FAM227B: variants seen among roughly 807,000 people sequenced by gnomAD.
FAM227B encodes the protein family with sequence similarity 227 member B, also known as protein FAM227B.
In FAM227B, 88 loss-of-function variants were observed where a neutral mutation model predicts 73.8. The ratio of observed to expected loss-of-function variants is 1.19; its 90% CI spans 1.00 to 1.42. FAM227B has a LOEUF of 1.42. FAM227B is among the 40% of genes most tolerant of loss of function. The pLI is 0.00. For missense variants in FAM227B, 632 were observed against 590.9 expected (o/e 1.07, Z -0.72); for synonymous variants, 210 against 190.5 (o/e 1.10, Z -0.84).
At chr15:49,551,761 A>T (rs2073052324) in intron 9 of FAM227B, among the ~76,000 whole-genome samples, 1 of 152,000 alleles carries the variant, frequency 6.6e-6, no homozygotes, top group Non-Finnish European at 1.5e-5. Context: ...TATCTACTGT[A>T]TGTTTTTTGG....
intron 9 of FAM227B, among the ~76,000 whole-genome samples, chr15:49,544,060 T>G (rs2071469225): frequency 6.6e-6 from 1 of 152,160 alleles, no homozygotes; most frequent in Non-Finnish European, 1.5e-5. Flanking sequence ...GGAATTGCAC[T>G]GAATTTGTAG....
At chr15:49,451,198 C>T (rs76759927) in intron 11 of FAM227B, among the ~76,000 whole-genome samples, 10,261 of 151,918 alleles carry the variant, frequency 0.068, 435 homozygotes, top group East Asian at 0.17. Context: ...ATAAATAATA[C>T]GGTCATTTAA....
intron 2 of FAM227B, among the ~76,000 whole-genome samples, chr15:49,611,957 A>G (rs947262881): frequency 3.3e-5 from 5 of 151,880 alleles, no homozygotes; most frequent in African/African-American, 1.2e-4. Flanking sequence ...TTATCCCCCA[A>G]AGTTTTCTCC....
At chr15:49,620,414 G>T (rs1245496199) in intron 1 of FAM227B, among the ~76,000 whole-genome samples, 2 of 152,138 alleles carry the variant, frequency 1.3e-5, no homozygotes, top group Non-Finnish European at 2.9e-5. Flanking sequence ...TTTGCGCATT[G>T]TTTGGGGAGA....
intron 13 of FAM227B, among the ~76,000 whole-genome samples, chr15:49,340,413 TCCCCCCC>T (rs1185588384): frequency 1.6e-5 from 1 of 64,432 alleles, no homozygotes; most frequent in African/African-American, 5.3e-5. Context: ...GCCCCCCCCC[TCCCCCCC>T]CCGCTTTGCC....
rs2077894981 is a variant in FAM227B at position 49,611,234 on chromosome 15, A to G, written c.86T>C (p.Phe29Ser). The stretch of plus-strand genomic sequence containing the variant: ...ACTCACCCAATTTTGAAACTTTAAG[A>G]ATTCTTCAATGCTCTTTGGAGGTTC... Reference protein sequence around the residue: ...MQEPPKSIEEFLKFQNWDYWP... With the variant: ...MQEPPKSIEESLKFQNWDYWP... Residue 29 changes from phenylalanine to serine, a missense_variant, in exon 3 of 16, where the codon TTC (phenylalanine) becomes TCC (serine). Coordinates refer to ENST00000299338, the MANE Select transcript of FAM227B (RefSeq NM_152647.3). 1 of 1,592,094 alleles carries G rather than the reference A, an allele frequency of 6.3e-7. No individual in the cohort carries two copies. The highest frequency in any genetic ancestry group is 1.3e-5 in the African/African-American group (1 of 74,548).
Position 49,589,166 on chromosome 15 carries a change from C to T in FAM227B, c.337+610G>A, listed in dbSNP as rs146664164. On this transcript the variant is annotated intron_variant, in intron 4 of 15. Transcript: ENST00000299338. ...GCTGTATGCTTTGTCATTCATTCAG[C>T]TATTCCATAGTGAATACCAGCTACC... Among the ~76,000 whole-genome samples the T allele has an allele frequency of 5.8e-4, 88 of 152,220 alleles. 1 individual carries two copies. In the East Asian group the frequency reaches 0.016, roughly 28 times the overall value.
intron 3 of FAM227B, among the ~76,000 whole-genome samples, chr15:49,598,224 G>T (rs1370705969): frequency 6.6e-6 from 1 of 151,900 alleles, no homozygotes; most frequent in African/African-American, 2.4e-5. Context: ...ATTTTTTCAT[G>T]TTATTGTAAA....
chr15:49,335,607 G>A (rs1475020849), intron 13 of FAM227B, 111 bp from the exon 14 acceptor site: 2 of 684,160 alleles, frequency 2.9e-6, no homozygotes, highest in Non-Finnish European at 5.1e-6. Context: ...TTTCAGTAAT[G>A]AAGAGTCTCA....
chr15:49,396,275 T>A (rs1486837468), intron 11 of FAM227B: 3 of 405,622 alleles, frequency 7.4e-6, no homozygotes, highest in Non-Finnish European at 1.4e-5. Context: ...ACCTGAATAC[T>A]GTGCTTTTCT....
At chr15:49,428,542 T>G (rs71467680) in intron 11 of FAM227B, among the ~76,000 whole-genome samples, 9,188 of 152,010 alleles carry the variant, frequency 0.06, 386 homozygotes, top group East Asian at 0.17. Context: ...GAGGCTATCA[T>G]TCTGCACCTG....
intron 10 of FAM227B, among the ~76,000 whole-genome samples, chr15:49,533,509 T>A (rs1192116689): frequency 6.6e-6 from 1 of 151,862 alleles, no homozygotes; most frequent in African/African-American, 2.4e-5. Flanking sequence ...GTCTACTTCT[T>A]CCCTCAGTTC....
intron 11 of FAM227B, among the ~76,000 whole-genome samples, chr15:49,448,347 C>A (rs893084984): frequency 6.6e-6 from 1 of 151,170 alleles, no homozygotes; most frequent in African/African-American, 2.4e-5. Flanking sequence ...TCTCTCCTTT[C>A]TTTCCATTTA....
chr15:49,356,155 A>G (rs1447325109), intron 13 of FAM227B, among the ~76,000 whole-genome samples: 1 of 152,222 alleles, frequency 6.6e-6, no homozygotes, highest in African/African-American at 2.4e-5. Context: ...TGTAAAGACC[A>G]TCGAGACTAG....
intron 13 of FAM227B, among the ~76,000 whole-genome samples, chr15:49,348,060 T>G (rs2041784210): frequency 6.6e-6 from 1 of 150,714 alleles, no homozygotes; most frequent in Non-Finnish European, 1.5e-5. Context: ...ATAAAAAGTG[T>G]TAGTGCTTCA....
chr15:49,406,018 G>C (rs2048483976), intron 11 of FAM227B, among the ~76,000 whole-genome samples: 1 of 152,178 alleles, frequency 6.6e-6, no homozygotes, highest in Non-Finnish European at 1.5e-5. Context: ...GGGGGCCAAC[G>C]CTCAGCTCCC....
At chr15:49,494,567 C>T (rs1236808712) in intron 11 of FAM227B, among the ~76,000 whole-genome samples, 1 of 152,114 alleles carries the variant, frequency 6.6e-6, no homozygotes, top group Admixed American at 6.5e-5. Context: ...CCCTGCAATC[C>T]TCTCAGTTGG....
At chr15:49,619,999 T>C (rs184456253) in intron 1 of FAM227B, 9 of 152,312 alleles carry the variant, frequency 5.9e-5, no homozygotes, top group Non-Finnish European at 2.9e-5. Context: ...CCAATCTATA[T>C]TGTTTCTTTT....
At chr15:49,572,313 A>T (rs2152364301) in intron 8 of FAM227B, among the ~76,000 whole-genome samples, 1 of 152,054 alleles carries the variant, frequency 6.6e-6, no homozygotes, top group Admixed American at 6.6e-5. Context: ...CTTTTCTATT[A>T]GGATACTTTT....
Sources: gnomAD v4.1 joint callset for allele counts (sites outside exome capture counted in the v4.1 genomes callset) on GRCh38, gnomAD v4.1.1 for gene constraint, MANE v1.5 for transcripts, NCBI Gene and HGNC (gene_info 2026-07-23, HGNC 2026-07-21) for gene names.